The following CDH23 variants were observed in gnomAD, a reference collection of about 807,000 sequenced individuals.
The protein encoded by CDH23 is cadherin related 23, also known as cadherin-23.
A neutral mutation model predicts 317.1 loss-of-function variants in CDH23; 189 were observed. The observed-to-expected ratio is 0.60, with a 90% CI of 0.53 to 0.67. CDH23 has a LOEUF of 0.67. Ranked by LOEUF, CDH23 falls within the 30% of genes least tolerant of loss-of-function variation. CDH23 has a pLI of 0.00. For missense variants in CDH23, 4,401 were observed against 4,592.4 expected (o/e 0.96, Z 1.20); for synonymous variants, 1,839 against 1,876.8 (o/e 0.98, Z 0.52).
intron 38 of CDH23, among the ~76,000 whole-genome samples, chr10:71,758,212 G>A (rs1267677952): frequency 6.6e-6 from 1 of 152,166 alleles, no homozygotes; most frequent in Non-Finnish European, 1.5e-5. Context: ...TTTGAAAAAA[G>A]GGTAGCTGAG....
At chr10:71,489,086 C>T (rs1440954267) in intron 3 of CDH23, among the ~76,000 whole-genome samples, 1 of 152,040 alleles carries the variant, frequency 6.6e-6, no homozygotes, top group Admixed American at 6.5e-5. Flanking sequence ...TTTATTTATC[C>T]TGCTGGATTT....
At chr10:71,755,023 AG>A in intron 38 of CDH23, 1 of 495,736 alleles carries the variant, frequency 2.0e-6, no homozygotes. Context: ...TACCTTAAAC[AG>A]GTCCCCCAAG....
In CDH23 at chr10:71,694,271, C is replaced by T; in HGVS notation, c.2289+12C>T. The T allele has an allele frequency of 6.3e-7, 1 of 1,598,450 alleles. No individual in the cohort carries two copies. The highest frequency in any genetic ancestry group is 8.6e-7 in the Non-Finnish European group (1 of 1,168,480). On this transcript the variant is annotated intron_variant, in intron 21 of 69. Transcript: ENST00000224721. ...CTGGCATCGCCACCGTGAGTGCGCT[C>T]CCCTCCCGTGCCCCAGCTCCCCCTC...
rs373649363 is a variant in CDH23 at position 71,690,499 on chromosome 10, C to A, written c.2091C>A (p.Asp697Glu). 1 of 1,610,570 alleles carries A rather than the reference C, an allele frequency of 6.2e-7. No individual in the cohort carries two copies. The highest frequency in any genetic ancestry group is 1.3e-5 in the African/African-American group (1 of 74,962). The change falls in exon 20 of 70, where the codon GAC becomes GAA. Residue 697 changes from aspartate (D) to glutamate (E), a missense_variant. Asp to Glu is a conservative substitution (Grantham distance 45, BLOSUM62 2). This residue lies in a region of CDH23 where 3,068 missense variants were observed against 3,203.3 expected (regional missense o/e 0.96). Transcript: ENST00000224721. ...GATVLFLNATDLDRSREYGQE... is the reference protein window; with the variant it reads ...GATVLFLNATELDRSREYGQE... The stretch of plus-strand genomic sequence containing the variant: ...CGGTGCTGTTCCTGAATGCCACAGA[C>A]CTGGACCGCTCCCGGGAGTACGGCC...
intron 3 of CDH23, among the ~76,000 whole-genome samples, chr10:71,475,076 C>T (rs1190287815): frequency 1.3e-5 from 2 of 152,240 alleles, no homozygotes; most frequent in African/African-American, 4.8e-5. Context: ...CCCCTCCAGG[C>T]CCTGCAGGGT....
In CDH23 at chr10:71,809,779, C is replaced by T. The variant is rs574588927; in HGVS notation, c.8723-41C>T. 132 of 1,594,300 alleles carry T rather than the reference C, an allele frequency of 8.3e-5. 2 individuals are homozygous for T. In the South Asian group the frequency reaches 1.5e-3, roughly 18 times the overall value. On this transcript the variant is annotated intron_variant, in intron 60 of 69. Transcript: ENST00000224721. ...TGCCCCTTCCTGGGGATTCGGGGCA[C>T]TGAGTCTCTGAGCCGTACCCCGCCT...
chr10:71,495,616 T>G lies in CDH23; in HGVS notation c.146-14466T>G, dbSNP rs371110195. Reference sequence around the variant, plus strand: ...GGGAGGCTGGGGTGGGAGGATTGCTTGAGCCCAGGAGTTTGAACCCAGCCT... The same window carrying G: ...GGGAGGCTGGGGTGGGAGGATTGCTGGAGCCCAGGAGTTTGAACCCAGCCT... On this transcript the variant is annotated intron_variant, in intron 3 of 69. Coordinates refer to ENST00000224721, the MANE Select transcript of CDH23 (RefSeq NM_022124.6). Among the ~76,000 whole-genome samples the G allele has an allele frequency of 2.5e-4, 38 of 152,086 alleles. No individual in the cohort carries two copies. In the South Asian group the frequency reaches 7.7e-3, roughly 31 times the overall value.
Position 71,798,384 on chromosome 10 carries a change from A to G in CDH23, c.6860A>G (p.Asn2287Ser). Residue 2287 changes from asparagine (N) to serine (S), a missense_variant, in exon 50 of 70, where the codon AAT (asparagine) becomes AGT (serine). By Grantham distance (46) the Asn-to-Ser change is conservative. Around this residue, in one of 3 missense-constraint regions of CDH23, gnomAD observed 3,068 missense variants for 3,203.3 expected, o/e 0.96. Coordinates refer to ENST00000224721, the MANE Select transcript of CDH23 (RefSeq NM_022124.6). ...CTGACTGTCAACGTCCTGGACGTCA[A>G]TGACAATACGCCCCAGTTCAAGCCC... is the stretch of plus-strand genomic sequence containing the variant. Reference protein sequence around the residue: ...AKLTVNVLDVNDNTPQFKPFG... With the variant: ...AKLTVNVLDVSDNTPQFKPFG... 6.2e-7 allele frequency: 1 copy of G among 1,613,920 alleles called. No homozygotes were observed. The highest frequency in any genetic ancestry group is 8.5e-7 in the Non-Finnish European group (1 of 1,179,834).
At chr10:71,669,784 C>A (rs7899813) in intron 14 of CDH23, among the ~76,000 whole-genome samples, 103,913 of 152,018 alleles carry the variant, frequency 0.68, 36,057 homozygotes, top group East Asian at 0.82. Flanking sequence ...CCAGGTTGTC[C>A]TGCTTAGGAT....
chr10:71,784,123 C>A (rs1227330100), intron 41 of CDH23, among the ~76,000 whole-genome samples, 164 bp from the exon 42 acceptor site: 1 of 152,238 alleles, frequency 6.6e-6, no homozygotes, highest in African/African-American at 2.4e-5. Flanking sequence ...CCAGCCCTTG[C>A]AGATCTCATG....
chr10:71,800,032 T>G (rs1841514226), intron 52 of CDH23, among the ~76,000 whole-genome samples: 1 of 152,222 alleles, frequency 6.6e-6, no homozygotes, highest in African/African-American at 2.4e-5. Flanking sequence ...CTATACTCAG[T>G]GCTGGGGAAG....
At chr10:71,541,365 G>C (rs533626583) in intron 6 of CDH23, among the ~76,000 whole-genome samples, 2 of 152,332 alleles carry the variant, frequency 1.3e-5, no homozygotes, top group South Asian at 4.1e-4. Context: ...GCCTCAGCCA[G>C]CCGGGCAGGG....
At chr10:71,761,422 C>G (rs548256457) in intron 38 of CDH23, among the ~76,000 whole-genome samples, 2 of 152,294 alleles carry the variant, frequency 1.3e-5, no homozygotes, top group East Asian at 1.9e-4. Flanking sequence ...CTCCAGCTAA[C>G]TACAAACCCA....
rs531356375 is a variant in CDH23, at chr10:71,665,731, C to T, written c.1450-9381C>T. 1.2e-4 allele frequency among the ~76,000 whole-genome samples: 18 copies of T among 152,306 alleles called. 1 individual carries two copies. The highest frequency in any genetic ancestry group is 8.3e-4 in the South Asian group (4 of 4,824). On this transcript the variant is annotated intron_variant, in intron 14 of 69. Coordinates refer to ENST00000224721, the MANE Select transcript of CDH23 (RefSeq NM_022124.6). ...TGGCCAACCCCAGTGTCTTACCCAA[C>T]GTCCCACGTGCACGTAGGGCAGAAC...
intron 1 of CDH23, among the ~76,000 whole-genome samples, chr10:71,415,792 C>T (rs1488198941): frequency 6.6e-6 from 1 of 152,128 alleles, no homozygotes; most frequent in Non-Finnish European, 1.5e-5. Flanking sequence ...TATTTCCAAG[C>T]ATTTGGGGAT....
intron 3 of CDH23, among the ~76,000 whole-genome samples, chr10:71,496,597 G>A (rs1042401091): frequency 1.3e-5 from 2 of 152,240 alleles, no homozygotes; most frequent in Non-Finnish European, 2.9e-5. Flanking sequence ...AGTATTGCTC[G>A]AAAGCTCCAG....
At chr10:71,811,464 A>C in intron 63 of CDH23, 29 bp downstream of exon 63, 1 of 1,613,926 alleles carries the variant, frequency 6.2e-7, no homozygotes, top group Non-Finnish European at 8.5e-7. Context: ...CCACAGCCCT[A>C]GCCGCCCTCC....
chr10:71,647,168 A>G (rs1448315567), intron 14 of CDH23: 2 of 880,594 alleles, frequency 2.3e-6, no homozygotes, highest in Non-Finnish European at 2.7e-6. Context: ...ACTCAAAAGT[A>G]TAAGTGATTT....
chr10:71,641,404 G>C (rs894646771), intron 11 of CDH23, among the ~76,000 whole-genome samples: 1 of 152,180 alleles, frequency 6.6e-6, no homozygotes, highest in Non-Finnish European at 1.5e-5. Flanking sequence ...AGCTCAGAGT[G>C]GCTCCGTCTC....
Sources: allele counts gnomAD v4.1 joint callset (sites outside exome capture counted in the v4.1 genomes callset), GRCh38; gene constraint gnomAD v4.1.1; regional missense constraint gnomAD v4.1.1; transcripts MANE v1.5; gene names NCBI Gene and HGNC (gene_info 2026-07-23, HGNC 2026-07-21).